The following FAT2 variants were observed in gnomAD, a reference collection of about 807,000 sequenced individuals.
FAT2 encodes the protein protocadherin Fat 2.
A neutral mutation model predicts 295.3 loss-of-function variants in FAT2; 150 were observed. The observed-to-expected ratio is 0.51, with a 90% CI of 0.44 to 0.58. FAT2 has a LOEUF of 0.58. FAT2 is among the 20% of genes least tolerant of loss of function. The probability of loss-of-function intolerance (pLI) is 0.00; values close to 1 mark genes in which losing one functional copy is unlikely to be tolerated. For missense variants in FAT2, 4,868 were observed against 5,442.7 expected, an observed-to-expected ratio of 0.89 and a Z score of 3.32; for synonymous variants, 2,026 against 2,150.3, an observed-to-expected ratio of 0.94 and a Z score of 1.60.
chr5:151,591,984 T>C (rs1407751490), upstream of FAT2, among the ~76,000 whole-genome samples: 1 of 152,244 alleles, frequency 6.6e-6, no homozygotes, highest in Non-Finnish European at 1.5e-5. Context: ...CTCTCTAAGT[T>C]TGGGCTCCCC....
intron 16 of FAT2, 140 bp downstream of exon 16, chr5:151,527,856 G>A (rs1195289726): frequency 6.7e-6 from 8 of 1,201,746 alleles, no homozygotes; most frequent in Non-Finnish European, 4.6e-6. Context: ...GCCCCACAGA[G>A]AAAACAAGTG....
chr5:151,555,518 C>T (rs1271313325), intron 4 of FAT2, among the ~76,000 whole-genome samples: 4 of 151,512 alleles, frequency 2.6e-5, no homozygotes, highest in African/African-American at 9.7e-5. Flanking sequence ...TACAAGCACC[C>T]GCCACCACAC....
intron 12 of FAT2, among the ~76,000 whole-genome samples, chr5:151,537,340 AAAGAAAAG>A (rs1388579403): frequency 2.2e-5 from 3 of 134,900 alleles, no homozygotes; most frequent in Admixed American, 7.3e-5. Context: ...AAAGAAAAGA[AAAGAAAAG>A]AAAAAAGAAG....
At position 151,525,786 on chromosome 5, in the gene FAT2, C is replaced by G. The variant is rs1337019218; in HGVS notation, c.10488G>C (p.Trp3496Cys). 1 of 1,614,188 alleles carries G rather than the reference C, an allele frequency of 6.2e-7. No individual in the cohort carries two copies. Among genetic ancestry groups the G allele is most frequent in the East Asian group, 2.2e-5 (1 of 44,878 alleles). The change falls in exon 18 of 24, where the codon TGG becomes TGC. Residue 3496 changes from tryptophan to cysteine, a missense_variant. By Grantham distance (215) the Trp-to-Cys change is radical. This residue lies in a region of FAT2 where 1,046 missense variants were observed against 1,210.1 expected (regional missense o/e 0.86). Transcript: ENST00000261800. The part of the protein sequence containing the change: ...AEGLSRRAQE[W>C]YQLQIQASDS... ...CTCTCACCTGGATCTGAAGCTGATA[C>G]CATTCCTGAGCCCTCCTGCTTAGGC...
rs2127609502 is a variant in FAT2, at chr5:151,544,301, C to G, written c.6826G>C (p.Val2276Leu). 2.5e-6 allele frequency: 4 copies of G among 1,614,152 alleles called. No homozygotes were observed. The highest frequency in any genetic ancestry group is 3.4e-6 in the Non-Finnish European group (4 of 1,180,016). Residue 2276 changes from valine to leucine, a missense_variant, in exon 10 of 24, where the codon GTC becomes CTC. Coordinates refer to ENST00000261800, the MANE Select transcript of FAT2 (RefSeq NM_001447.3). Reference protein sequence around the residue: ...NDNPPTFSQLVYTTSISEGLP... With the variant: ...NDNPPTFSQLLYTTSISEGLP... ...CCTTCTGAGATGGAAGTGGTATAGA[C>G]CAATTGGGAAAAAGTGGGAGGGTTA...
chr5:151,551,530 C>G lies in FAT2; in HGVS notation c.4233G>C (p.Arg1411Ser). Residue 1411 changes from arginine to serine, a missense_variant, in exon 7 of 24, where the codon AGG becomes AGC. Physicochemically the swap from Arg to Ser is moderately radical, Grantham distance 110 (BLOSUM62 -1). Transcript: ENST00000261800. The part of the protein sequence containing the change: ...SIVIARPLDT[R>S]RRSNYNLTVE... ...CAGTCAAGTTATAGTTCGACCTTCT[C>G]CTGGTATCAAGAGGCCTGGCAATGA... is the stretch of plus-strand genomic sequence containing the variant. The G allele has an allele frequency of 6.2e-7, 1 of 1,614,228 alleles. No homozygotes were observed. Among genetic ancestry groups the G allele is most frequent in the Non-Finnish European group, 8.5e-7 (1 of 1,180,018 alleles).
intron 19 of FAT2, among the ~76,000 whole-genome samples, chr5:151,519,005 G>A (rs1297035150): frequency 6.6e-6 from 1 of 152,162 alleles, no homozygotes; most frequent in African/African-American, 2.4e-5. Flanking sequence ...GCCAAAAGGA[G>A]GAGAAGAAAG....
chr5:151,563,703 C>T lies in FAT2; in HGVS notation c.3260-64G>A. On this transcript the variant is annotated intron_variant, in intron 2 of 23. Transcript: ENST00000261800. Reference sequence around the variant, plus strand: ...GCTCAAAGTGGCTTTAGAAATCACCCTTACCCACCATTCCCCAAACCGCAC... The same window carrying T: ...GCTCAAAGTGGCTTTAGAAATCACCTTTACCCACCATTCCCCAAACCGCAC... 4 of 1,413,732 alleles carry T rather than the reference C, an allele frequency of 2.8e-6. No homozygotes were observed. In the South Asian group the frequency reaches 3.6e-5, roughly 13 times the overall value. 87.6% of individuals were successfully genotyped at this position (1,413,732 alleles called of 1,614,324 possible). A position where few individuals can be genotyped will look rare whatever the true frequency, so the allele number is the denominator to read the frequency against.
In FAT2 at chr5:151,540,591, A is replaced by G. The variant is rs759800085; in HGVS notation, c.9015T>C (p.Asn3005=). 5 of 1,613,610 alleles carry G rather than the reference A, an allele frequency of 3.1e-6. No individual in the cohort carries two copies. Among genetic ancestry groups the G allele is most frequent in the Non-Finnish European group, 1.7e-6 (2 of 1,179,784 alleles). Residue 3005 remains asparagine (N), a synonymous_variant, in exon 11 of 24, where the codon AAT becomes AAC. Transcript: ENST00000261800. The part of the protein sequence containing the change: ...VTVEIFVLDV[N]DNSPQCSQLL... ...CCTGTGAACACTGTGGGCTGTTATC[A>G]TTGACGTCCAGGACAAAGATCTCCA...
rs80058185 is a variant in FAT2, at chr5:151,577,859, C to G, written c.-20-8908G>C. On this transcript the variant is annotated intron_variant, in intron 1 of 23. Coordinates refer to ENST00000261800, the MANE Select transcript of FAT2 (RefSeq NM_001447.3). ...AGCTTTGCATTTGCAGCTGAAAAAT[C>G]CCTAAGCCAGAGGGAACCTCAGAAC... Among the ~76,000 whole-genome samples the G allele has an allele frequency of 6.2e-3, 949 of 152,174 alleles. 10 individuals carry two copies. Among genetic ancestry groups the G allele is most frequent in the African/African-American group, 0.022 (901 of 41,496 alleles).
Position 151,544,488 on chromosome 5 carries a change from C to T in FAT2, c.6639G>A (p.Leu2213=), listed in dbSNP as rs1756435473. The change falls in exon 10 of 24, where the codon TTG becomes TTA. Residue 2213 remains leucine (L), a synonymous_variant. Coordinates refer to ENST00000261800, the MANE Select transcript of FAT2 (RefSeq NM_001447.3). ...TCTTGAAGTCAGTGGTGAACAGCAT[C>T]AAGGGTTCTTCCTCCACAATGTTGT... The part of the protein sequence containing the change: ...LIYNIVEEEP[L]MLFTTDFKTG... 6.2e-7 allele frequency: 1 copy of T among 1,614,002 alleles called. No homozygotes were observed. Among genetic ancestry groups the T allele is most frequent in the South Asian group, 1.1e-5 (1 of 91,068 alleles).
At chr5:151,573,743 C>T (rs552552046) in intron 1 of FAT2, among the ~76,000 whole-genome samples, 3 of 152,302 alleles carry the variant, frequency 2.0e-5, no homozygotes, top group African/African-American at 7.2e-5. Context: ...CAACTTAGTG[C>T]TGTAGGGCTT....
At position 151,568,366 on chromosome 5, in the gene FAT2, G is replaced by C; in HGVS notation, c.566C>G (p.Thr189Arg). ...ATGGATGGCAAACATCTCTGACCTT[G>C]TGTTAAAGGCATAATAGAACTCAGC... ...QNAEFYYAFN[T>R]RSEMFAIHPT... The change falls in exon 2 of 24, where the codon ACA (threonine) becomes AGA (arginine). Residue 189 changes from threonine (T) to arginine (R), a missense_variant. This residue lies in a region of FAT2 where 3,297 missense variants were observed against 3,669.4 expected (regional missense o/e 0.90). Coordinates refer to ENST00000261800, the MANE Select transcript of FAT2 (RefSeq NM_001447.3). 6.2e-7 allele frequency: 1 copy of C among 1,614,186 alleles called. No homozygotes were observed. The highest frequency in any genetic ancestry group is 8.5e-7 in the Non-Finnish European group (1 of 1,180,010).
chr5:151,563,348 A>G lies in FAT2; in HGVS notation c.3551T>C (p.Phe1184Ser), dbSNP rs760310139. ...ACCTGTAACAGGGTGAATCATAAAG[A>G]ATCCCATGTAGTTCCCACTGGTGAT... ...FNITSGNYMG[F>S]FMIHPVTGLL... Residue 1184 changes from phenylalanine (F) to serine (S), a missense_variant, in exon 3 of 24, where the codon TTC becomes TCC. Phe to Ser is a radical substitution (Grantham distance 155, BLOSUM62 -2). Coordinates refer to ENST00000261800, the MANE Select transcript of FAT2 (RefSeq NM_001447.3). The G allele has an allele frequency of 1.2e-6, 2 of 1,614,128 alleles. No individual in the cohort carries two copies. The highest frequency in any genetic ancestry group is 1.7e-6 in the Non-Finnish European group (2 of 1,179,998).
chr5:151,527,958 C>T (rs1220411357), intron 16 of FAT2, 38 bp downstream of exon 16: 2 of 1,607,938 alleles, frequency 1.2e-6, no homozygotes, highest in African/African-American at 2.7e-5. Flanking sequence ...TGTCTCTGCT[C>T]TAATGAGCTC....
intron 19 of FAT2, among the ~76,000 whole-genome samples, chr5:151,519,822 A>G (rs17717618): frequency 0.026 from 3,966 of 152,230 alleles, 72 homozygotes; most frequent in Non-Finnish European, 0.039. Flanking sequence ...TATTTCTTCA[A>G]TGCAAGCCCT....
intron 1 of FAT2, among the ~76,000 whole-genome samples, chr5:151,582,549 G>T (rs932927268): frequency 1.3e-5 from 2 of 152,140 alleles, no homozygotes; most frequent in African/African-American, 4.8e-5. Context: ...GGTGATTTTG[G>T]TGTGACTGGT....
At position 151,543,445 on chromosome 5, in the gene FAT2, T is replaced by C. The variant is rs1581393822; in HGVS notation, c.7682A>G (p.Asp2561Gly). 6.2e-7 allele frequency: 1 copy of C among 1,614,162 alleles called. No homozygotes were observed. Among genetic ancestry groups the C allele is most frequent in the Non-Finnish European group, 8.5e-7 (1 of 1,180,028 alleles). ...RVIAIKVMAR[D>G]GGGRVAFCTV... ...GCAGAAGGCTACTCTTCCTCCTCCATCCCGAGCCATGACCTTAATAGCAAT... is the reference window on the plus strand; with the variant it reads ...GCAGAAGGCTACTCTTCCTCCTCCACCCCGAGCCATGACCTTAATAGCAAT... Residue 2561 changes from aspartate (D) to glycine (G), a missense_variant, in exon 10 of 24, where the codon GAT becomes GGT. Asp to Gly is a moderately conservative substitution (Grantham distance 94). Coordinates refer to ENST00000261800, the MANE Select transcript of FAT2 (RefSeq NM_001447.3).
chr5:151,580,153 T>G (rs1305535995), intron 1 of FAT2, among the ~76,000 whole-genome samples: 1 of 152,244 alleles, frequency 6.6e-6, no homozygotes, highest in Non-Finnish European at 1.5e-5. Flanking sequence ...CCTGGCATTT[T>G]GGCACTGGCC....
Sources: allele counts gnomAD v4.1 joint callset (sites outside exome capture counted in the v4.1 genomes callset), GRCh38; gene constraint gnomAD v4.1.1; regional missense constraint gnomAD v4.1.1; transcripts MANE v1.5; gene names NCBI Gene and HGNC (gene_info 2026-07-23, HGNC 2026-07-21).